Variants in LRRC4B observed in about 807,000 individuals in gnomAD.
LRRC4B encodes leucine-rich repeat-containing protein 4B.
A neutral mutation model predicts 7.3 loss-of-function variants in LRRC4B; 1 was observed. The observed-to-expected ratio is 0.14, with a 90% CI of 0.05 to 0.65. LRRC4B has a LOEUF of 0.65. Among genes scored for constraint, LRRC4B ranks in the 30% least tolerant of loss-of-function variants. LRRC4B has a pLI of 0.84. For missense variants in LRRC4B, 730 were observed against 1,041.6 expected, an observed-to-expected ratio of 0.70 and a Z score of 4.12; for synonymous variants, 500 against 499.2, an observed-to-expected ratio of 1.00 and a Z score of -0.02.
rs1216659478 is a variant in LRRC4B, at chr19:50,520,233, AAAAAAAAAAAAAAAGAAG to A, written c.298-836_298-819del. On this transcript the variant is annotated intron_variant, in intron 2 of 2. Coordinates refer to ENST00000652263, the MANE Select transcript of LRRC4B (RefSeq NM_001080457.2). ...AAAAAAAAAAAAAAAAAAAAAAAAA[AAAAAAAAAAAAAAAGAAG>A]AAAAGAAAAGAAAAATGAACAAACA... 2.9e-3 allele frequency among the ~76,000 whole-genome samples: 199 copies of A among 67,964 alleles called. 43 individuals are homozygous for A. The highest frequency in any genetic ancestry group is 4.2e-3 in the South Asian group (6 of 1,444). 44.6% of individuals were successfully genotyped at this position (67,964 alleles called of 152,430 possible). A position where few individuals can be genotyped will look rare whatever the true frequency, so the allele number is the denominator to read the frequency against.
Position 50,518,798 on chromosome 19 carries a change from G to A in LRRC4B, c.915C>T (p.Arg305=), listed in dbSNP as rs372018089. The change falls in exon 3 of 3, where the codon CGC becomes CGT. Residue 305 remains arginine (R), a synonymous_variant. Transcript: ENST00000652263. ...DLFTPLHRLE[R]VHLNHNPWHC... is the part of the protein sequence containing the mutation. The stretch of plus-strand genomic sequence containing the variant: ...GCCAGGGGTTGTGGTTGAGGTGCAC[G>A]CGCTCGAGGCGGTGCAGGGGCGTGA... The A allele has an allele frequency of 5.0e-6, 8 of 1,613,980 alleles. No individual in the cohort carries two copies. In the Admixed American group the frequency reaches 5.0e-5, roughly 10 times the overall value.
At chr19:50,521,514 G>A (rs1980578396) in intron 2 of LRRC4B, among the ~76,000 whole-genome samples, 1 of 152,124 alleles carries the variant, frequency 6.6e-6, no homozygotes, top group Admixed American at 6.5e-5. Context: ...TGTAACCTCC[G>A]CCTTCCAGGT....
chr19:50,567,440 G>A (rs577274226), intron 1 of LRRC4B, among the ~76,000 whole-genome samples: 1 of 151,486 alleles, frequency 6.6e-6, no homozygotes, highest in Non-Finnish European at 1.5e-5. Flanking sequence ...CACGGCAACC[G>A]CTCTTGCCAG....
At chr19:50,564,958 C>T (rs6509481) in intron 1 of LRRC4B, among the ~76,000 whole-genome samples, 48,104 of 151,634 alleles carry the variant, frequency 0.32, 8,440 homozygotes, top group Non-Finnish European at 0.41. Context: ...TGTGTGCAGG[C>T]ACATGTGTGC....
In LRRC4B at chr19:50,556,704, C is replaced by T. The variant is rs954349924; in HGVS notation, c.-35-7831G>A. On this transcript the variant is annotated intron_variant, in intron 1 of 2. Transcript: ENST00000652263. The surrounding 1 kb of genome is among the most constrained non-coding windows in gnomAD (Gnocchi z 4.2). The stretch of plus-strand genomic sequence containing the variant: ...CTGCATCCTCAAGGCCGGCCAACGG[C>T]GCTGGCCCCTCCGAGCCTCAGTATT... Among the ~76,000 whole-genome samples, 6 of 152,182 alleles carry T rather than the reference C, an allele frequency of 3.9e-5. No individual in the cohort carries two copies. The highest frequency in any genetic ancestry group is 1.4e-4 in the African/African-American group (6 of 41,442).
chr19:50,518,014 C>T lies in LRRC4B; in HGVS notation c.1699G>A (p.Asp567Asn). ...ITDVTENALK[D>N]LDDVMKTTKI... ...GTGGTCTTCATGACGTCGTCCAGGT[C>T]CTTGAGGGCGTTCTCCGTCACATCC... The change falls in exon 3 of 3, where the codon GAC (aspartate) becomes AAC (asparagine). Residue 567 changes from aspartate to asparagine, a missense_variant. By Grantham distance (23) the Asp-to-Asn change is conservative. Coordinates refer to ENST00000652263, the MANE Select transcript of LRRC4B (RefSeq NM_001080457.2). The T allele has an allele frequency of 6.5e-7, 1 of 1,548,298 alleles. No individual in the cohort carries two copies. The highest frequency in any genetic ancestry group is 8.7e-7 in the Non-Finnish European group (1 of 1,150,876).
rs1982281472 is a variant in LRRC4B, at chr19:50,556,500, A to T, written c.-35-7627T>A. Among the ~76,000 whole-genome samples, 1 of 151,878 alleles carries T rather than the reference A, an allele frequency of 6.6e-6. No individual in the cohort carries two copies. Among genetic ancestry groups the T allele is most frequent in the Non-Finnish European group, 1.5e-5 (1 of 67,930 alleles). On this transcript the variant is annotated intron_variant, in intron 1 of 2. Transcript: ENST00000652263. The surrounding 1 kb of genome is among the most constrained non-coding windows in gnomAD (Gnocchi z 4.2). ...TCAGGGGGGGCTCTGCGTTCCCACG[A>T]CACCTCCAGGAGGTCTTCTTTGAGC...
rs549594939 is a variant in LRRC4B, at chr19:50,543,348, G to A, written c.297+5194C>T. Among the ~76,000 whole-genome samples, 8 of 151,848 alleles carry A rather than the reference G, an allele frequency of 5.3e-5. No homozygotes were observed. In the South Asian group the frequency reaches 1.5e-3, roughly 28 times the overall value. ...GTGCCAGGCCCTGGTGTGTGTGTGT[G>A]TGTGTGTGTGTGTGTGTGTCTCTGT... On this transcript the variant is annotated intron_variant, in intron 2 of 2. Transcript: ENST00000652263.
chr19:50,524,677 T>A (rs1980723095), intron 2 of LRRC4B, among the ~76,000 whole-genome samples: 1 of 152,260 alleles, frequency 6.6e-6, no homozygotes, highest in South Asian at 2.1e-4. Flanking sequence ...TACTCTCATT[T>A]GAACCTGTCA....
rs368264595 is a variant in LRRC4B at position 50,517,178 on chromosome 19, G to A, written c.*393C>T. 125 of 162,074 alleles carry A rather than the reference G, an allele frequency of 7.7e-4. 1 individual carries two copies. The highest frequency in any genetic ancestry group is 5.7e-3 in the Middle Eastern group (2 of 348). The allele number at this position is 162,074 out of a possible 1,614,324, so 10.0% of individuals were successfully genotyped here. On this transcript the variant is annotated 3_prime_UTR_variant, in exon 3 of 3. Coordinates refer to ENST00000652263, the MANE Select transcript of LRRC4B (RefSeq NM_001080457.2). The surrounding 1 kb of genome is among the most constrained non-coding windows in gnomAD (Gnocchi z 6.6). ...GGCGTCAAACTGCAAAAACTGAACC[G>A]TAAAAGGAAGGTGTTTGGGGCCGAG...
rs1009856000 is a variant in LRRC4B, at chr19:50,537,374, T to C, written c.297+11168A>G. 2.6e-5 allele frequency among the ~76,000 whole-genome samples: 4 copies of C among 152,126 alleles called. No homozygotes were observed. The highest frequency in any genetic ancestry group is 2.6e-4 in the Admixed American group (4 of 15,272). Reference sequence around the variant, plus strand: ...CCCTGTAAAGGGCTTGGAGCAATGCTGGGGGCCCGACTGACATTCTCCCGC... The same window carrying C: ...CCCTGTAAAGGGCTTGGAGCAATGCCGGGGGCCCGACTGACATTCTCCCGC... On this transcript the variant is annotated intron_variant, in intron 2 of 2. Coordinates refer to ENST00000652263, the MANE Select transcript of LRRC4B (RefSeq NM_001080457.2). This position sits in a 1 kb window ranked among gnomAD's most constrained non-coding sequence, Gnocchi z 5.5.
At chr19:50,524,092 G>A (rs1224737384) in intron 2 of LRRC4B, among the ~76,000 whole-genome samples, 2 of 152,104 alleles carry the variant, frequency 1.3e-5, no homozygotes, top group East Asian at 3.8e-4. Flanking sequence ...TTTACAGTAA[G>A]CAGGAATAAA....
In LRRC4B at chr19:50,517,936, G is replaced by A; in HGVS notation, c.1777C>T (p.Leu593Phe). The A allele has an allele frequency of 6.4e-7, 1 of 1,564,270 alleles. No homozygotes were observed. ...TTGCGCAGCTTGTAGAAGGCCACGAGCATCACCGCGGCCATGAACGTGATG... is the reference window on the plus strand; with the variant it reads ...TTGCGCAGCTTGTAGAAGGCCACGAACATCACCGCGGCCATGAACGTGATG... The part of the protein sequence containing the change: ...VAITFMAAVM[L>F]VAFYKLRKQH... Residue 593 changes from leucine to phenylalanine, a missense_variant, in exon 3 of 3, where the codon CTC becomes TTC. This residue lies in a region of LRRC4B where 160 missense variants were observed against 163.9 expected (regional missense o/e 0.98). Transcript: ENST00000652263. This position sits in a 1 kb window ranked among gnomAD's most constrained non-coding sequence, Gnocchi z 6.6.
At position 50,519,352 on chromosome 19, in the gene LRRC4B, G is replaced by A; in HGVS notation, c.361C>T (p.Leu121=). 6.2e-7 allele frequency: 1 copy of A among 1,611,376 alleles called. No individual in the cohort carries two copies. Among genetic ancestry groups the A allele is most frequent in the Non-Finnish European group, 8.5e-7 (1 of 1,179,908 alleles). The change falls in exon 3 of 3, where the codon CTG becomes TTG. Residue 121 remains leucine (L), a synonymous_variant. Coordinates refer to ENST00000652263, the MANE Select transcript of LRRC4B (RefSeq NM_001080457.2). This position sits in a 1 kb window ranked among gnomAD's most constrained non-coding sequence, Gnocchi z 8.1. The part of the protein sequence containing the change: ...HLEILQLSKN[L]VRKIEVGAFN... ...GCGCCCACCTCGATCTTGCGCACCAGGTTCTTGCTCAGCTGCAGAATCTCC... is the reference window on the plus strand; with the variant it reads ...GCGCCCACCTCGATCTTGCGCACCAAGTTCTTGCTCAGCTGCAGAATCTCC...
intron 2 of LRRC4B, among the ~76,000 whole-genome samples, chr19:50,543,335 G>GGTGTGTGTGTGT (rs143123202): frequency 0.057 from 8,290 of 145,146 alleles, 326 homozygotes; most frequent in African/African-American, 0.1. Flanking sequence ...GCCAGGCCCT[G>GGTGTGTGTGTGT]GTGTGTGTGT....
intron 2 of LRRC4B, among the ~76,000 whole-genome samples, chr19:50,538,294 C>T (rs1981379169): frequency 1.3e-5 from 2 of 152,082 alleles, no homozygotes; most frequent in Admixed American, 1.3e-4. Flanking sequence ...AATTCCTGAC[C>T]TCAGGTGATC....
At chr19:50,538,978 C>T (rs575212225) in intron 2 of LRRC4B, among the ~76,000 whole-genome samples, 1 of 151,792 alleles carries the variant, frequency 6.6e-6, no homozygotes, top group South Asian at 2.1e-4. Context: ...ACCTCTGCAT[C>T]CTGGGTTCAA....
intron 1 of LRRC4B, among the ~76,000 whole-genome samples, chr19:50,549,665 G>C (rs1460149064): frequency 2.6e-5 from 4 of 152,362 alleles, no homozygotes; most frequent in Middle Eastern, 3.4e-3. Context: ...GGGAGGGCTG[G>C]GAGGCAGCAG....
At chr19:50,565,794 C>A (rs1375871987) in intron 1 of LRRC4B, among the ~76,000 whole-genome samples, 1 of 152,082 alleles carries the variant, frequency 6.6e-6, no homozygotes, top group East Asian at 1.9e-4. Flanking sequence ...GCCTCACCCG[C>A]GTGTCTGCTC....
Sources: allele counts gnomAD v4.1 joint callset (sites outside exome capture counted in the v4.1 genomes callset), GRCh38; gene constraint gnomAD v4.1.1; regional missense constraint gnomAD v4.1.1; non-coding constraint Gnocchi (gnomAD v3.1); transcripts MANE v1.5; gene names NCBI Gene and HGNC (gene_info 2026-07-23, HGNC 2026-07-21).